DOCK3: variants seen among roughly 807,000 people sequenced by gnomAD.
DOCK3 encodes dedicator of cytokinesis 3.
Under a neutral mutation model 265.6 loss-of-function variants are expected in DOCK3, and 60 were observed. The observed-to-expected ratio is 0.23, with a 90% CI of 0.18 to 0.28. DOCK3 has a LOEUF of 0.28. Ranked by LOEUF, DOCK3 falls within the 10% of genes least tolerant of loss-of-function variation. The probability of loss-of-function intolerance (pLI) is 1.00; values close to 1 mark genes in which losing one functional copy is unlikely to be tolerated. For missense variants in DOCK3, 1,981 were observed against 2,594.3 expected, an observed-to-expected ratio of 0.76 and a Z score of 5.14; for synonymous variants, 881 against 938.0, an observed-to-expected ratio of 0.94 and a Z score of 1.11.
At chr3:50,736,322 C>A (rs2108177906) in intron 1 of DOCK3, among the ~76,000 whole-genome samples, 1 of 152,226 alleles carries the variant, frequency 6.6e-6, no homozygotes, top group African/African-American at 2.4e-5. Flanking sequence ...TGGGTTGGTT[C>A]CAAGTCTTTG....
At chr3:51,250,979 C>T (rs1428542956) in intron 22 of DOCK3, among the ~76,000 whole-genome samples, 1 of 152,160 alleles carries the variant, frequency 6.6e-6, no homozygotes, top group Non-Finnish European at 1.5e-5. Flanking sequence ...ATTAACTCGT[C>T]ATTTACATTA....
chr3:50,728,082 A>G (rs2037946634), intron 1 of DOCK3, among the ~76,000 whole-genome samples: 1 of 152,228 alleles, frequency 6.6e-6, no homozygotes. Flanking sequence ...AATTTTAGAG[A>G]ACTGAAATCA....
intron 1 of DOCK3, among the ~76,000 whole-genome samples, chr3:50,711,856 C>T (rs2036794000): frequency 6.6e-6 from 1 of 152,024 alleles, no homozygotes; most frequent in African/African-American, 2.4e-5. Context: ...CTAATTTGAT[C>T]TTTTTACTTG....
At chr3:51,332,888 C>A in intron 33 of DOCK3, 113 bp from the exon 34 acceptor site, 13 of 1,414,762 alleles carry the variant, frequency 9.2e-6, no homozygotes, top group South Asian at 1.2e-5. Flanking sequence ...CCCTCCCTCC[C>A]CCCACCTCAG....
At chr3:51,186,636 G>GT (rs2087618309) in intron 12 of DOCK3, among the ~76,000 whole-genome samples, 1 of 152,164 alleles carries the variant, frequency 6.6e-6, no homozygotes, top group Non-Finnish European at 1.5e-5. Context: ...GGAAAAAGTG[G>GT]TTTCGTGGGC....
intron 5 of DOCK3, among the ~76,000 whole-genome samples, chr3:50,945,789 C>T (rs2076410367): frequency 6.6e-6 from 1 of 152,090 alleles, no homozygotes; most frequent in South Asian, 2.1e-4. Context: ...CATATAGTGG[C>T]TAAGTGCACA....
chr3:51,049,561 A>G (rs546605747), intron 5 of DOCK3, among the ~76,000 whole-genome samples: 1 of 152,172 alleles, frequency 6.6e-6, no homozygotes, highest in South Asian at 2.1e-4. Context: ...GACCCATCAT[A>G]TGGGGTTAGG....
At chr3:50,728,450 A>G (rs78956272) in intron 1 of DOCK3, among the ~76,000 whole-genome samples, 1,724 of 152,268 alleles carry the variant, frequency 0.011, 42 homozygotes, top group African/African-American at 0.039. Flanking sequence ...GGAAAGAAAT[A>G]AAGATAAGAG....
intron 51 of DOCK3, 97 bp from the exon 52 acceptor site, chr3:51,380,028 C>A: frequency 8.4e-7 from 1 of 1,189,150 alleles, no homozygotes; most frequent in South Asian, 1.5e-5. Context: ...CCCCAGGGGA[C>A]TCTTCTCATG....
intron 10 of DOCK3, among the ~76,000 whole-genome samples, chr3:51,148,664 G>A (rs2085419546): frequency 6.6e-6 from 1 of 152,108 alleles, no homozygotes; most frequent in African/African-American, 2.4e-5. Flanking sequence ...GATGTGTGGT[G>A]TTATTTCTGA....
At chr3:51,096,172 T>C (rs1371877520) in intron 9 of DOCK3, among the ~76,000 whole-genome samples, 1 of 152,228 alleles carries the variant, frequency 6.6e-6, no homozygotes, top group African/African-American at 2.4e-5. Flanking sequence ...TGAATTTGAA[T>C]GTTGGCCTTT....
intron 3 of DOCK3, among the ~76,000 whole-genome samples, chr3:50,886,185 G>GATATAT (rs1491509664): frequency 8.3e-6 from 1 of 120,972 alleles, no homozygotes; most frequent in Non-Finnish European, 1.9e-5. Flanking sequence ...TTTTATTTTG[G>GATATAT]AGATATATAT....
chr3:50,787,054 A>G (rs935337057), intron 2 of DOCK3: 6 of 737,410 alleles, frequency 8.1e-6, no homozygotes, highest in African/African-American at 6.9e-5. Context: ...CTTCATATCC[A>G]TGGACGATCT....
At chr3:51,288,904 GT>G (rs2081573178) in intron 27 of DOCK3, among the ~76,000 whole-genome samples, 2 of 124,946 alleles carry the variant, frequency 1.6e-5, no homozygotes, top group African/African-American at 9.4e-5. Context: ...GTGTGTGTGG[GT>G]GTGTGTGTGT....
chr3:51,157,438 G>T (rs987886551), intron 10 of DOCK3, among the ~76,000 whole-genome samples: 6 of 152,080 alleles, frequency 3.9e-5, no homozygotes, highest in African/African-American at 1.4e-4. Flanking sequence ...TAGAGATGGG[G>T]TTTCACCATG....
intron 9 of DOCK3, among the ~76,000 whole-genome samples, chr3:51,097,364 C>T (rs574477926): frequency 2.6e-5 from 4 of 152,314 alleles, no homozygotes; most frequent in African/African-American, 9.6e-5. Flanking sequence ...GCGCAGTGGG[C>T]TCCACCCAGT....
intron 10 of DOCK3, among the ~76,000 whole-genome samples, chr3:51,148,275 T>G (rs1227140473): frequency 1.3e-5 from 2 of 152,244 alleles, no homozygotes; most frequent in Admixed American, 6.5e-5. Context: ...GCAAAAATGT[T>G]CTCCCATTCT....
chr3:51,187,545 T>C (rs2087680484), intron 12 of DOCK3, among the ~76,000 whole-genome samples: 2 of 152,102 alleles, frequency 1.3e-5, no homozygotes, highest in Non-Finnish European at 2.9e-5. Context: ...ATATGAGATT[T>C]TGGAGGAGCC....
chr3:51,209,509 G>C lies in DOCK3; in HGVS notation c.1126+647G>C, dbSNP rs139494578. ...ATTAAATTAGAAGCATTATTTAAAAGCCTATATGCCTTTATAGACCCTTGC... is the reference window on the plus strand; with the variant it reads ...ATTAAATTAGAAGCATTATTTAAAACCCTATATGCCTTTATAGACCCTTGC... On this transcript the variant is annotated intron_variant, in intron 13 of 52. Transcript: ENST00000266037. Among the ~76,000 whole-genome samples, 337 of 152,238 alleles carry C rather than the reference G, an allele frequency of 2.2e-3. 1 individual carries two copies. The highest frequency in any genetic ancestry group is 7.7e-3 in the African/African-American group (319 of 41,536).
Sources: allele counts gnomAD v4.1 joint callset (sites outside exome capture counted in the v4.1 genomes callset), GRCh38; gene constraint gnomAD v4.1.1; transcripts MANE v1.5; gene names NCBI Gene and HGNC (gene_info 2026-07-23, HGNC 2026-07-21).